Variants in TRPM6 observed in about 807,000 individuals in gnomAD.
TRPM6 encodes transient receptor potential cation channel subfamily M member 6.
In TRPM6, 111 loss-of-function variants were observed where a neutral mutation model predicts 247.6. The ratio of observed to expected loss-of-function variants is 0.45; its 90% CI spans 0.38 to 0.52. TRPM6 has a LOEUF of 0.52. TRPM6 is among the 20% of genes least tolerant of loss of function. TRPM6 has a pLI of 0.00. For synonymous variants in TRPM6, 892 were observed against 853.8 expected, an observed-to-expected ratio of 1.04 and a Z score of -0.78; for missense variants, 2,126 against 2,421.5, an observed-to-expected ratio of 0.88 and a Z score of 2.56.
intron 36 of TRPM6, among the ~76,000 whole-genome samples, chr9:74,735,570 C>A (rs1270191998): frequency 6.6e-6 from 1 of 152,006 alleles, no homozygotes; most frequent in Non-Finnish European, 1.5e-5. Context: ...AAATTAATAT[C>A]TCTAAAAATT....
chr9:74,774,448 G>C (rs761982717), intron 24 of TRPM6, among the ~76,000 whole-genome samples: 14 of 152,064 alleles, frequency 9.2e-5, no homozygotes, highest in Non-Finnish European at 1.8e-4. Flanking sequence ...TCGTACAAAG[G>C]CTGAATCTCT....
intron 14 of TRPM6, 136 bp from the exon 15 acceptor site, chr9:74,804,022 T>C: frequency 1.4e-6 from 1 of 707,188 alleles, no homozygotes; most frequent in South Asian, 1.5e-5. Flanking sequence ...AAATATAATG[T>C]TGTGTCCTAC....
intron 1 of TRPM6, among the ~76,000 whole-genome samples, chr9:74,879,992 G>A (rs73536167): frequency 0.021 from 3,225 of 152,082 alleles, 133 homozygotes; most frequent in African/African-American, 0.075. Flanking sequence ...ACTATCTTCA[G>A]GTAGATAGTG....
chr9:74,828,065 T>C, intron 6 of TRPM6, 116 bp from the exon 7 acceptor site: 1 of 1,139,200 alleles, frequency 8.8e-7, no homozygotes, highest in Non-Finnish European at 1.3e-6. Context: ...TAAAAAGTAC[T>C]ACTTGCGGCC....
chr9:74,833,649 T>G (rs112912322), intron 6 of TRPM6, among the ~76,000 whole-genome samples: 14 of 152,316 alleles, frequency 9.2e-5, no homozygotes, highest in African/African-American at 2.2e-4. Context: ...GCTATTGCAA[T>G]CATTCAGGCA....
chr9:74,788,085 G>A (rs1419602679), intron 20 of TRPM6, among the ~76,000 whole-genome samples: 1 of 151,804 alleles, frequency 6.6e-6, no homozygotes, highest in African/African-American at 2.4e-5. Context: ...TTTGTTTCTT[G>A]GACTATTTGC....
At chr9:74,819,462 C>G (rs1829069734) in intron 9 of TRPM6, among the ~76,000 whole-genome samples, 1 of 152,172 alleles carries the variant, frequency 6.6e-6, no homozygotes, top group African/African-American at 2.4e-5. Flanking sequence ...TGAGCTATGA[C>G]TGCACCACTG....
At chr9:74,738,023 A>G (rs1399396169) in intron 36 of TRPM6, among the ~76,000 whole-genome samples, 1 of 152,220 alleles carries the variant, frequency 6.6e-6, no homozygotes, top group Non-Finnish European at 1.5e-5. Context: ...AAATTGCTAA[A>G]GCAATGAGCT....
intron 33 of TRPM6, among the ~76,000 whole-genome samples, chr9:74,742,137 T>C (rs1470278667): frequency 2.0e-5 from 3 of 152,168 alleles, no homozygotes; most frequent in Non-Finnish European, 4.4e-5. Context: ...ATAAGAGCAA[T>C]TAGTGTACAC....
At chr9:74,799,910 C>G (rs1828251099) in intron 17 of TRPM6, 1 of 342,102 alleles carries the variant, frequency 2.9e-6, no homozygotes, top group Non-Finnish European at 5.6e-6. Context: ...TGAGGGCGAT[C>G]TGGCTGTGAC....
chr9:74,882,851 C>T (rs1165929059), intron 1 of TRPM6, among the ~76,000 whole-genome samples: 1 of 152,108 alleles, frequency 6.6e-6, no homozygotes, highest in East Asian at 1.9e-4. Flanking sequence ...TCTCTTTTTC[C>T]ATTTTTGTTT....
At chr9:74,876,473 C>T (rs1831194415) in intron 1 of TRPM6, among the ~76,000 whole-genome samples, 1 of 152,168 alleles carries the variant, frequency 6.6e-6, no homozygotes, top group Non-Finnish European at 1.5e-5. Context: ...CTCAAGAGTA[C>T]CTGGGTGCAG....
intron 8 of TRPM6, 111 bp from the exon 9 acceptor site, chr9:74,820,538 C>G (rs988349802): frequency 5.1e-5 from 68 of 1,332,042 alleles, no homozygotes; most frequent in Non-Finnish European, 6.9e-5. Flanking sequence ...TGTCTATGGA[C>G]AGTTCTGCCA....
Position 74,834,015 on chromosome 9 carries a change from C to A in TRPM6, c.652G>T (p.Asp218Tyr), listed in dbSNP as rs1280136445. ...PPWGVIENQR[D>Y]LIGKDVVCLY... ...CTACTTACATCTTTTCCAATAAGGT[C>A]TCTCTGGTTCTCAATGACACCCCAA... The change falls in exon 6 of 39, where the codon GAC (aspartate) becomes TAC (tyrosine). Residue 218 changes from aspartate (D) to tyrosine (Y), a missense_variant. Physicochemically the swap from Asp to Tyr is radical, Grantham distance 160. This residue lies in a region of TRPM6 where 1,082 missense variants were observed against 1,307.9 expected (regional missense o/e 0.83). Transcript: ENST00000360774. The A allele has an allele frequency of 1.2e-6, 2 of 1,614,102 alleles. No homozygotes were observed. Among genetic ancestry groups the A allele is most frequent in the East Asian group, 4.5e-5 (2 of 44,876 alleles).
Position 74,837,485 on chromosome 9 carries a change from C to T in TRPM6, c.544+2539G>A, listed in dbSNP as rs1372794025. ...TTTTTTGAGACGGAGTCTCGCTCGT[C>T]GCCCAGGCTGGAGTGCAGTGGCACG... On this transcript the variant is annotated intron_variant, in intron 5 of 38. Transcript: ENST00000360774. 2.6e-5 allele frequency among the ~76,000 whole-genome samples: 4 copies of T among 151,858 alleles called. No homozygotes were observed. The South Asian group carries it at 6.2e-4, about 24-fold the overall frequency.
intron 23 of TRPM6, among the ~76,000 whole-genome samples, chr9:74,778,947 G>A (rs1036201569): frequency 8.5e-5 from 13 of 152,106 alleles, no homozygotes; most frequent in African/African-American, 3.1e-4. Flanking sequence ...CCCACAGCAG[G>A]AGCATCACAC....
intron 1 of TRPM6, among the ~76,000 whole-genome samples, chr9:74,883,461 C>T (rs944154164): frequency 6.6e-6 from 1 of 152,084 alleles, no homozygotes; most frequent in African/African-American, 2.4e-5. Flanking sequence ...CTTTCTATCT[C>T]AAAAATAAAA....
chr9:74,810,549 G>T (rs1828694722), intron 13 of TRPM6, among the ~76,000 whole-genome samples: 2 of 152,214 alleles, frequency 1.3e-5, no homozygotes, highest in Non-Finnish European at 2.9e-5. Flanking sequence ...GTTCTGATTA[G>T]AAGCATTGCA....
chr9:74,763,113 C>G lies in TRPM6; in HGVS notation c.3558G>C (p.Gln1186His), dbSNP rs771894951. 1.2e-6 allele frequency: 2 copies of G among 1,612,086 alleles called. No homozygotes were observed. The highest frequency in any genetic ancestry group is 1.7e-6 in the Non-Finnish European group (2 of 1,179,992). ...TSERVTEMYFQLKEMNEKVSF... is the reference protein window; with the variant it reads ...TSERVTEMYFHLKEMNEKVSF... ...ACACCTTTTCATTCATTTCTTTCAG[C>G]TGGAAGTACATCTCTGTAACCCTAG... The change falls in exon 26 of 39, where the codon CAG becomes CAC. Residue 1186 changes from glutamine (Q) to histidine (H), a missense_variant. Gln to His is a conservative substitution (Grantham distance 24). Around this residue, in one of 3 missense-constraint regions of TRPM6, gnomAD observed 717 missense variants for 715.9 expected, o/e 1.00. Transcript: ENST00000360774.
Sources: allele counts gnomAD v4.1 joint callset (sites outside exome capture counted in the v4.1 genomes callset), GRCh38; gene constraint gnomAD v4.1.1; regional missense constraint gnomAD v4.1.1; transcripts MANE v1.5; gene names NCBI Gene and HGNC (gene_info 2026-07-23, HGNC 2026-07-21).